Variants in DGKH observed in about 807,000 individuals in gnomAD.
DGKH encodes DAG kinase eta.
DGKH carries 90 observed loss-of-function variants against 159.3 expected under a neutral mutation model. The ratio of observed to expected loss-of-function variants is 0.57; its 90% CI spans 0.48 to 0.67. The LOEUF (loss-of-function observed/expected upper bound fraction) is 0.67. Among genes scored for constraint, DGKH ranks in the 30% least tolerant of loss-of-function variants. DGKH has a pLI of 0.00. For missense variants in DGKH, 1,181 were observed against 1,506.1 expected (o/e 0.78, Z 3.57); for synonymous variants, 536 against 553.8 (o/e 0.97, Z 0.45).
In DGKH at chr13:42,187,097, G is replaced by A. The variant is rs765048465; in HGVS notation, c.1587G>A (p.Thr529=). The change falls in exon 14 of 30, where the codon ACG becomes ACA. Residue 529 remains threonine, a synonymous_variant. Transcript: ENST00000337343. The part of the protein sequence containing the change: ...VKDFVAKVEK[T]YDKTLENAVV... ...ACTTCGTTGCCAAAGTAGAAAAGACGTATGACAAAACCTTGGAAAATGCCG... is the reference window on the plus strand; with the variant it reads ...ACTTCGTTGCCAAAGTAGAAAAGACATATGACAAAACCTTGGAAAATGCCG... 32 of 1,614,090 alleles carry A rather than the reference G, an allele frequency of 2.0e-5. No individual in the cohort carries two copies. Among genetic ancestry groups the A allele is most frequent in the Admixed American group, 3.3e-5 (2 of 60,020 alleles).
chr13:42,138,011 A>G, intron 3 of DGKH: 1 of 833,608 alleles, frequency 1.2e-6, no homozygotes, highest in Non-Finnish European at 1.4e-6. Flanking sequence ...ATCTGATAGA[A>G]CAGGCCCCTT....
chr13:42,217,710 A>G (rs1386391728), intron 26 of DGKH, among the ~76,000 whole-genome samples: 2 of 152,186 alleles, frequency 1.3e-5, no homozygotes, highest in Admixed American at 6.5e-5. Context: ...TAATTTATAA[A>G]TATATTGATT....
chr13:42,100,726 A>AC (rs747253542), intron 1 of DGKH, among the ~76,000 whole-genome samples: 17 of 152,334 alleles, frequency 1.1e-4, no homozygotes, highest in Non-Finnish European at 2.1e-4. Flanking sequence ...AAATTATTGG[A>AC]CATTCACCTT....
chr13:42,145,372 G>A (rs1384732586), intron 3 of DGKH, among the ~76,000 whole-genome samples: 2 of 152,038 alleles, frequency 1.3e-5, no homozygotes, highest in African/African-American at 2.4e-5. Flanking sequence ...TTATTTTGTC[G>A]GTTGCCACAG....
rs769096528 is a variant in DGKH, at chr13:42,187,121, C to A, written c.1611C>A (p.Ala537=). 5 of 1,613,854 alleles carry A rather than the reference C, an allele frequency of 3.1e-6. No homozygotes were observed. Among genetic ancestry groups the A allele is most frequent in the East Asian group, 2.2e-5 (1 of 44,874 alleles). ...CGTATGACAAAACCTTGGAAAATGC[C>A]GTTGTAGCTGATGCCGTGGCCAGTA... is the stretch of plus-strand genomic sequence containing the variant. The part of the protein sequence containing the change: ...EKTYDKTLEN[A]VVADAVASKC... Residue 537 remains alanine (A), a synonymous_variant, in exon 14 of 30, where the codon GCC becomes GCA. Transcript: ENST00000337343.
intron 1 of DGKH, among the ~76,000 whole-genome samples, chr13:42,100,252 A>G (rs1954628058): frequency 6.6e-6 from 1 of 152,214 alleles, no homozygotes; most frequent in African/African-American, 2.4e-5. Flanking sequence ...ATGAGAATCT[A>G]ACTAATGCCT....
At chr13:42,101,002 TCC>T (rs1954642079) in intron 1 of DGKH, among the ~76,000 whole-genome samples, 1 of 152,230 alleles carries the variant, frequency 6.6e-6, no homozygotes, top group Admixed American at 6.5e-5. Context: ...CAGATTTTAC[TCC>T]CATAACTCTC....
intron 1 of DGKH, among the ~76,000 whole-genome samples, chr13:42,093,475 A>G (rs983444431): frequency 1.3e-5 from 2 of 152,168 alleles, no homozygotes; most frequent in Admixed American, 1.3e-4. Flanking sequence ...TTAAAATAGA[A>G]TTATTTCATG....
At chr13:42,061,291 G>T (rs529510287) in intron 1 of DGKH, among the ~76,000 whole-genome samples, 1 of 152,280 alleles carries the variant, frequency 6.6e-6, no homozygotes, top group East Asian at 1.9e-4. Context: ...CACGTAGCTG[G>T]CAGAGAAGGG....
intron 3 of DGKH, among the ~76,000 whole-genome samples, chr13:42,130,246 A>G (rs1052098364): frequency 1.1e-4 from 17 of 152,200 alleles, no homozygotes; most frequent in African/African-American, 4.1e-4. Context: ...CTGTCCCACC[A>G]GTGCAGCAAT....
chr13:42,252,827 A>G (rs953738635), intron 30 of DGKH, among the ~76,000 whole-genome samples: 1 of 151,540 alleles, frequency 6.6e-6, no homozygotes, highest in Non-Finnish European at 1.5e-5. Context: ...AGCTCACTAC[A>G]ACTTCCACCT....
At chr13:42,056,704 G>C (rs566536749) in intron 1 of DGKH, among the ~76,000 whole-genome samples, 3 of 152,206 alleles carry the variant, frequency 2.0e-5, no homozygotes, top group Admixed American at 2.0e-4. Context: ...CCTTGCTTTC[G>C]GTAGCCCTGT....
At chr13:42,156,076 G>A (rs528268547) in intron 5 of DGKH, among the ~76,000 whole-genome samples, 1 of 152,136 alleles carries the variant, frequency 6.6e-6, no homozygotes, top group South Asian at 2.1e-4. Context: ...ATTATGGAGA[G>A]CAAAACTTTT....
chr13:42,207,567 C>T (rs347410), intron 21 of DGKH, among the ~76,000 whole-genome samples: 33,331 of 151,208 alleles, frequency 0.22, 4,764 homozygotes, highest in East Asian at 0.41. Context: ...CTCATTTGGC[C>T]GGTCGAGTTT....
intron 23 of DGKH, among the ~76,000 whole-genome samples, chr13:42,209,972 C>A (rs1345862212): frequency 2.0e-5 from 3 of 150,792 alleles, no homozygotes; most frequent in African/African-American, 7.3e-5. Context: ...CTTCCCTTAC[C>A]CTTACTCCTG....
At chr13:42,160,950 A>C (rs1460158891) in intron 7 of DGKH, among the ~76,000 whole-genome samples, 1 of 152,192 alleles carries the variant, frequency 6.6e-6, no homozygotes, top group Non-Finnish European at 1.5e-5. Flanking sequence ...CTACAAAGGA[A>C]AATAAGTCCT....
At position 42,127,582 on chromosome 13, in the gene DGKH, C is replaced by T. The variant is rs200957514; in HGVS notation, c.303+9C>T. 69 of 1,609,658 alleles carry T rather than the reference C, an allele frequency of 4.3e-5. No individual in the cohort carries two copies. In the African/African-American group the frequency reaches 6.3e-4, roughly 15 times the overall value. ...ATGCAAAGGACTCAAAGGTAACTCA[C>T]GAGAATACTAGTTTCAAGCAATTGA... is the stretch of plus-strand genomic sequence containing the variant. On this transcript the variant is annotated intron_variant, in intron 2 of 29. Transcript: ENST00000337343.
intron 1 of DGKH, among the ~76,000 whole-genome samples, chr13:42,050,812 T>C (rs552259391): frequency 1.6e-4 from 24 of 152,000 alleles, no homozygotes; most frequent in Non-Finnish European, 2.6e-4. Context: ...AACTGAGATC[T>C]TGCCATTGCA....
chr13:42,066,073 T>C (rs1000583231), intron 1 of DGKH: 3 of 152,174 alleles, frequency 2.0e-5, no homozygotes, highest in African/African-American at 7.2e-5. Context: ...AATTTTCTTG[T>C]ATTTTTATTG....
Sources: gnomAD v4.1 joint callset for allele counts (sites outside exome capture counted in the v4.1 genomes callset) on GRCh38, gnomAD v4.1.1 for gene constraint, MANE v1.5 for transcripts, NCBI Gene and HGNC (gene_info 2026-07-23, HGNC 2026-07-21) for gene names.